KIRREL3: variants seen among roughly 807,000 people sequenced by gnomAD.
The protein encoded by KIRREL3 is kirre like nephrin family adhesion molecule 3, also known as kin of IRRE-like protein 3.
KIRREL3 carries 36 observed loss-of-function variants against 89.7 expected under a neutral mutation model. That is an observed-to-expected ratio of 0.40 (90% CI 0.31 to 0.53). The LOEUF (loss-of-function observed/expected upper bound fraction) is 0.53. Among genes scored for constraint, KIRREL3 ranks in the 20% least tolerant of loss-of-function variants. The probability of loss-of-function intolerance (pLI) is 0.49; values close to 1 mark genes in which losing one functional copy is unlikely to be tolerated. For missense variants in KIRREL3, 864 were observed against 1,056.6 expected (o/e 0.82, Z 2.53); for synonymous variants, 445 against 441.4 (o/e 1.01, Z -0.10).
chr11:126,919,845 C>T (rs569288026), intron 1 of KIRREL3, among the ~76,000 whole-genome samples: 1 of 152,108 alleles, frequency 6.6e-6, no homozygotes, highest in Admixed American at 6.5e-5. Context: ...TGGGGTAATA[C>T]AGAATATTCC....
chr11:126,665,219 T>C (rs941196588), intron 1 of KIRREL3, among the ~76,000 whole-genome samples: 7 of 152,210 alleles, frequency 4.6e-5, no homozygotes, highest in African/African-American at 1.7e-4. Flanking sequence ...GCTAATAGTC[T>C]GGGAATGGTG....
intron 1 of KIRREL3, among the ~76,000 whole-genome samples, chr11:126,815,570 G>C (rs1315749688): frequency 6.6e-6 from 1 of 152,144 alleles, no homozygotes. Context: ...GTCTCCCTCT[G>C]TCGCCCAGGC....
At chr11:126,661,829 C>G (rs1945416591) in intron 1 of KIRREL3, among the ~76,000 whole-genome samples, 1 of 152,178 alleles carries the variant, frequency 6.6e-6, no homozygotes, top group East Asian at 1.9e-4. Flanking sequence ...ATTTTACTTG[C>G]AAGCAGGGTT....
intron 1 of KIRREL3, among the ~76,000 whole-genome samples, chr11:126,581,591 G>A (rs868394351): frequency 6.6e-6 from 1 of 152,110 alleles, no homozygotes. Flanking sequence ...TTTGATAAAA[G>A]CATACATTGT....
At chr11:126,438,609 G>A (rs183123905) in intron 11 of KIRREL3, among the ~76,000 whole-genome samples, 1 of 152,348 alleles carries the variant, frequency 6.6e-6, no homozygotes, top group Non-Finnish European at 1.5e-5. Flanking sequence ...GAGAGAAGGT[G>A]TGAAAATGTC....
chr11:126,690,884 C>T (rs567079335), intron 1 of KIRREL3, among the ~76,000 whole-genome samples: 76 of 152,294 alleles, frequency 5.0e-4, no homozygotes, highest in African/African-American at 1.7e-3. Flanking sequence ...GTGAGTTGTG[C>T]TCTTGTATAT....
Position 126,870,374 on chromosome 11 carries a change from G to A in KIRREL3, c.55+130081C>T, listed in dbSNP as rs1404885475. Among the ~76,000 whole-genome samples, 2 of 152,234 alleles carry A rather than the reference G, an allele frequency of 1.3e-5. No homozygotes were observed. Among genetic ancestry groups the A allele is most frequent in the African/African-American group, 4.8e-5 (2 of 41,468 alleles). On this transcript the variant is annotated intron_variant, in intron 1 of 16. Coordinates refer to ENST00000525144, the MANE Select transcript of KIRREL3 (RefSeq NM_032531.4). The surrounding 1 kb of genome is among the most constrained non-coding windows in gnomAD (Gnocchi z 4.4). Reference sequence around the variant, plus strand: ...CTGGATTCCAATGCTGTGGCTGGCTGGAGGTCCCATCCAGTCAAGTGGCTC... The same window carrying A: ...CTGGATTCCAATGCTGTGGCTGGCTAGAGGTCCCATCCAGTCAAGTGGCTC...
intron 8 of KIRREL3, among the ~76,000 whole-genome samples, chr11:126,447,166 T>G (rs970180360): frequency 9.9e-5 from 15 of 152,226 alleles, no homozygotes; most frequent in African/African-American, 3.6e-4. Context: ...AAGAAGGTGC[T>G]GGGGACCAGG....
intron 15 of KIRREL3, among the ~76,000 whole-genome samples, chr11:126,426,094 T>G (rs1284498335): frequency 1.3e-5 from 2 of 152,214 alleles, no homozygotes; most frequent in African/African-American, 4.8e-5. Context: ...GGACCAGAGA[T>G]CCACAGATTA....
chr11:126,617,420 T>C (rs1448550353), intron 1 of KIRREL3, among the ~76,000 whole-genome samples: 1 of 152,204 alleles, frequency 6.6e-6, no homozygotes, highest in Non-Finnish European at 1.5e-5. Flanking sequence ...GAAAAGAAAT[T>C]CAAGGTTGGA....
intron 1 of KIRREL3, among the ~76,000 whole-genome samples, chr11:126,663,177 T>C (rs1482865874): frequency 1.4e-5 from 2 of 138,662 alleles, no homozygotes; most frequent in Non-Finnish European, 3.1e-5. Flanking sequence ...TGATATCATG[T>C]CTGGCTTTTT....
At chr11:126,749,048 C>T (rs556906317) in intron 1 of KIRREL3, among the ~76,000 whole-genome samples, 1 of 152,252 alleles carries the variant, frequency 6.6e-6, no homozygotes, top group South Asian at 2.1e-4. Flanking sequence ...CAGGGGGTTG[C>T]GACCACCTTC....
intron 1 of KIRREL3, chr11:126,937,167 C>T (rs1455956756): frequency 1.3e-5 from 2 of 152,152 alleles, no homozygotes; most frequent in East Asian, 1.9e-4. Flanking sequence ...CAGAATGAAA[C>T]AGGATAACCT....
intron 1 of KIRREL3, among the ~76,000 whole-genome samples, chr11:126,699,806 G>A (rs981412714): frequency 6.6e-6 from 1 of 152,096 alleles, no homozygotes; most frequent in African/African-American, 2.4e-5. Context: ...TATAGTTTAG[G>A]CCCGCGAAGT....
chr11:126,741,244 T>A (rs1008380072), intron 1 of KIRREL3, among the ~76,000 whole-genome samples: 6 of 152,230 alleles, frequency 3.9e-5, no homozygotes, highest in African/African-American at 1.2e-4. Flanking sequence ...TTAATCCAGA[T>A]GCCCATAATG....
At chr11:126,907,522 G>C (rs1946635546) in intron 1 of KIRREL3, among the ~76,000 whole-genome samples, 1 of 152,170 alleles carries the variant, frequency 6.6e-6, no homozygotes, top group Non-Finnish European at 1.5e-5. Context: ...CTTTTTGCTG[G>C]AGGGACAGGT....
At position 126,752,885 on chromosome 11, in the gene KIRREL3, A is replaced by G. The variant is rs1330367461; in HGVS notation, c.56-189973T>C. On this transcript the variant is annotated intron_variant, in intron 1 of 16. Coordinates refer to ENST00000525144, the MANE Select transcript of KIRREL3 (RefSeq NM_032531.4). This position sits in a 1 kb window ranked among gnomAD's most constrained non-coding sequence, Gnocchi z 4.8. The stretch of plus-strand genomic sequence containing the variant: ...AAAAGCCCTCTTCTTTGTATAAAAC[A>G]TGTGCCCTTTGTTGAAGGAAGTGGT... Among the ~76,000 whole-genome samples the G allele has an allele frequency of 1.3e-5, 2 of 152,178 alleles. No individual in the cohort carries two copies. The highest frequency in any genetic ancestry group is 2.9e-5 in the Non-Finnish European group (2 of 68,036).
rs147218898 is a variant in KIRREL3, at chr11:126,734,533, C to T, written c.56-171621G>A. Among the ~76,000 whole-genome samples, 7 of 152,026 alleles carry T rather than the reference C, an allele frequency of 4.6e-5. No homozygotes were observed. In the East Asian group the frequency reaches 9.7e-4, roughly 21 times the overall value. ...ACAAAATCAGCTGGGCATGGCAGCGCGTGCCTGTAATCCCAGCTACTTGGG... is the reference window on the plus strand; with the variant it reads ...ACAAAATCAGCTGGGCATGGCAGCGTGTGCCTGTAATCCCAGCTACTTGGG... On this transcript the variant is annotated intron_variant, in intron 1 of 16. Transcript: ENST00000525144. The surrounding 1 kb of genome is among the most constrained non-coding windows in gnomAD (Gnocchi z 5.9).
intron 1 of KIRREL3, among the ~76,000 whole-genome samples, chr11:126,799,852 T>C (rs1461366337): frequency 6.6e-6 from 1 of 152,152 alleles, no homozygotes; most frequent in Non-Finnish European, 1.5e-5. Flanking sequence ...ATTGGGGAAG[T>C]AACTGAGCAA....
Sources: gnomAD v4.1 joint callset for allele counts (sites outside exome capture counted in the v4.1 genomes callset) on GRCh38, gnomAD v4.1.1 for gene constraint, Gnocchi (gnomAD v3.1) non-coding constraint, MANE v1.5 for transcripts, NCBI Gene and HGNC (gene_info 2026-07-23, HGNC 2026-07-21) for gene names.